Variants in LYRM9 observed in about 807,000 individuals in gnomAD.
LYRM9 encodes the protein LYR motif-containing protein 9.
LYRM9 carries 14 observed loss-of-function variants against 12.6 expected under a neutral mutation model. The observed-to-expected ratio is 1.11, with a 90% confidence interval of 0.73 to 1.73. The LOEUF is 1.73. Among genes scored for constraint, LYRM9 ranks in the 40% most tolerant of loss-of-function variants. The probability of loss-of-function intolerance (pLI) is 0.00; values close to 1 mark genes in which losing one functional copy is unlikely to be tolerated. For synonymous variants in LYRM9, 42 were observed against 35.1 expected (o/e 1.20, Z -0.69); for missense variants, 94 against 95.0 (o/e 0.99, Z 0.04).
At chr17:27,880,725 C>T (rs1402616476) in intron 2 of LYRM9, 2 of 291,056 alleles carry the variant, frequency 6.9e-6, no homozygotes, top group Non-Finnish European at 1.3e-5. Context: ...ACGCTGCTTT[C>T]CCCAGGGTGA....
chr17:27,882,366 G>A (rs1181027832), intron 2 of LYRM9, among the ~76,000 whole-genome samples: 1 of 152,212 alleles, frequency 6.6e-6, no homozygotes, highest in African/African-American at 2.4e-5. Flanking sequence ...CCCTAGCACA[G>A]CTGGTGTGCT....
Position 27,879,157 on chromosome 17 carries a change from A to G in LYRM9, c.*316T>C. On this transcript the variant is annotated 3_prime_UTR_variant, in exon 4 of 4. Transcript: ENST00000379102. ...CTGGGACTCAGAGAATGATAAAGAG[A>G]TCTCCAGAATAAATGAATCACTTTC... 1 of 292,440 alleles carries G rather than the reference A, an allele frequency of 3.4e-6. No individual in the cohort carries two copies. Among genetic ancestry groups the G allele is most frequent in the Non-Finnish European group, 6.4e-6 (1 of 155,604 alleles). 18.1% of individuals were successfully genotyped at this position (292,440 alleles called of 1,614,324 possible).
rs751140485 is a variant in LYRM9 at position 27,882,555 on chromosome 17, G to A, written c.126+14C>T. 6 of 1,568,926 alleles carry A rather than the reference G, an allele frequency of 3.8e-6. No individual in the cohort carries two copies. In the Admixed American group the frequency reaches 5.3e-5, roughly 14 times the overall value. On this transcript the variant is annotated intron_variant, in intron 2 of 3. Transcript: ENST00000379102. ...TTAGAGGCAGCCCCCAGACCTGGTAGAGCCAGCTCGCACCTGCCTGACAGC... is the reference window on the plus strand; with the variant it reads ...TTAGAGGCAGCCCCCAGACCTGGTAAAGCCAGCTCGCACCTGCCTGACAGC...
intron 1 of LYRM9, chr17:27,892,608 A>G: frequency 2.9e-6 from 1 of 339,956 alleles, no homozygotes; most frequent in Non-Finnish European, 5.8e-6. Context: ...AAGTACAGAG[A>G]CAGAAGTACA....
chr17:27,879,461 C>T lies in LYRM9; in HGVS notation c.*12G>A, dbSNP rs1904962112. On this transcript the variant is annotated 3_prime_UTR_variant, in exon 4 of 4. Coordinates refer to ENST00000379102, the MANE Select transcript of LYRM9 (RefSeq NM_001076680.3). ...AACTTCCAGAGGCCAGGAAGGCTCA[C>T]CCTCGGAGCTCTCAGTTTTGTTTTT... 6.4e-7 allele frequency: 1 copy of T among 1,551,198 alleles called. No homozygotes were observed. Among genetic ancestry groups the T allele is most frequent in the Non-Finnish European group, 8.7e-7 (1 of 1,146,962 alleles).
chr17:27,885,324 C>T (rs193003290), intron 1 of LYRM9, among the ~76,000 whole-genome samples: 2 of 152,346 alleles, frequency 1.3e-5, no homozygotes, highest in Admixed American at 1.3e-4. Context: ...TTGATCCTCT[C>T]TCAGTGAAGC....
At chr17:27,883,293 GA>G in intron 1 of LYRM9, 1 of 274,734 alleles carries the variant, frequency 3.6e-6, no homozygotes, top group Non-Finnish European at 7.3e-6. Context: ...TGAGAAGCAT[GA>G]ATCTAGGGGG....
Position 27,884,692 on chromosome 17 carries a change from C to A in LYRM9, c.-18-1980G>T, listed in dbSNP as rs377690090. ...GGCTCTCCCTGGGCTGAGCGCCTGG[C>A]CCGCAGTGGGCTTCACTCACTGTTA... On this transcript the variant is annotated intron_variant, in intron 1 of 3. Transcript: ENST00000379102. Among the ~76,000 whole-genome samples, 22 of 152,284 alleles carry A rather than the reference C, an allele frequency of 1.4e-4. No homozygotes were observed. In the South Asian group the frequency reaches 1.9e-3, roughly 13 times the overall value.
In LYRM9 at chr17:27,891,114, T is replaced by C. The variant is rs192593199; in HGVS notation, c.-19+2203A>G. ...TCCACATGGTGCCACCCAAGAACAC[T>C]TCCTAAAAAGCACACCCTGTCACTC... On this transcript the variant is annotated intron_variant, in intron 1 of 3. Coordinates refer to ENST00000379102, the MANE Select transcript of LYRM9 (RefSeq NM_001076680.3). 5.3e-5 allele frequency among the ~76,000 whole-genome samples: 8 copies of C among 152,078 alleles called. No homozygotes were observed. The East Asian group carries it at 1.4e-3, about 26-fold the overall frequency.
chr17:27,880,060 AGAGT>A (rs1904992900), intron 3 of LYRM9: 2 of 696,408 alleles, frequency 2.9e-6, no homozygotes, highest in African/African-American at 1.8e-5. Context: ...TTAAGGATGA[AGAGT>A]GAGAGCCCCT....
intron 1 of LYRM9, among the ~76,000 whole-genome samples, chr17:27,890,411 A>G (rs1157500658): frequency 2.0e-5 from 3 of 152,268 alleles, no homozygotes; most frequent in South Asian, 2.1e-4. Flanking sequence ...ATCAAAAGAA[A>G]GAAAGAGTCA....
intron 1 of LYRM9, chr17:27,892,748 CTA>C (rs979463228): frequency 8.8e-6 from 2 of 226,116 alleles, no homozygotes; most frequent in African/African-American, 4.6e-5. Flanking sequence ...TGCAAACACA[CTA>C]AAAGACACTG....
intron 2 of LYRM9, chr17:27,881,237 CAAAAA>C (rs71135816): frequency 2.7e-4 from 6 of 22,232 alleles, no homozygotes; most frequent in African/African-American, 9.5e-4. Flanking sequence ...AACTCCATCT[CAAAAA>C]AAAAAAAAAA....
intron 3 of LYRM9, 23 bp from the exon 4 acceptor site, chr17:27,879,513 G>A (rs1282167231): frequency 5.8e-6 from 9 of 1,551,790 alleles, no homozygotes; most frequent in Non-Finnish European, 7.8e-6. Flanking sequence ...GAGATTCGAA[G>A]TGGAGGAGGG....
At chr17:27,889,822 C>A (rs1277422763) in intron 1 of LYRM9, among the ~76,000 whole-genome samples, 1 of 152,164 alleles carries the variant, frequency 6.6e-6, no homozygotes, top group Non-Finnish European at 1.5e-5. Flanking sequence ...CCATGCCATT[C>A]AGAGCATCTA....
chr17:27,892,578 G>A (rs1233641009), intron 1 of LYRM9: 1 of 352,742 alleles, frequency 2.8e-6, no homozygotes, highest in Non-Finnish European at 5.5e-6. Flanking sequence ...CCATTTATAC[G>A]AAACATCCAG....
intron 1 of LYRM9, among the ~76,000 whole-genome samples, chr17:27,888,518 G>A (rs1033997172): frequency 3.3e-5 from 5 of 152,170 alleles, no homozygotes; most frequent in African/African-American, 1.2e-4. Flanking sequence ...TGGTTATGTG[G>A]GAGAATCACT....
At chr17:27,887,553 C>T (rs532204741) in intron 1 of LYRM9, among the ~76,000 whole-genome samples, 1 of 152,214 alleles carries the variant, frequency 6.6e-6, no homozygotes. Flanking sequence ...TCACCACCCA[C>T]AGCCTAGTCC....
chr17:27,884,721 A>G (rs1188565567), intron 1 of LYRM9, among the ~76,000 whole-genome samples: 2 of 152,102 alleles, frequency 1.3e-5, no homozygotes, highest in Non-Finnish European at 2.9e-5. Flanking sequence ...ACTGTTAACT[A>G]AACAGAATGA....
Sources: allele counts gnomAD v4.1 joint callset (sites outside exome capture counted in the v4.1 genomes callset), GRCh38; gene constraint gnomAD v4.1.1; transcripts MANE v1.5; gene names NCBI Gene and HGNC (gene_info 2026-07-23, HGNC 2026-07-21).